Variants in SPOCK3 observed in about 807,000 individuals in gnomAD.
The protein encoded by SPOCK3 is testican-3.
Under a neutral mutation model 56.6 loss-of-function variants are expected in SPOCK3, and 30 were observed. The observed-to-expected ratio is 0.53, with a 90% CI of 0.40 to 0.72. SPOCK3 has a LOEUF of 0.72. Among genes scored for constraint, SPOCK3 ranks in the 30% least tolerant of loss-of-function variants. SPOCK3 has a pLI of 0.00. For missense variants in SPOCK3, 527 were observed against 530.0 expected (o/e 0.99, Z 0.06); for synonymous variants, 196 against 183.3 (o/e 1.07, Z -0.56).
chr4:166,897,591 C>T (rs547715786), intron 5 of SPOCK3, among the ~76,000 whole-genome samples: 7 of 152,248 alleles, frequency 4.6e-5, no homozygotes, highest in Non-Finnish European at 5.9e-5. Context: ...AGAACTGACA[C>T]GAACATCAAA....
chr4:166,941,947 T>G (rs1741113511), intron 4 of SPOCK3, among the ~76,000 whole-genome samples: 1 of 152,184 alleles, frequency 6.6e-6, no homozygotes, highest in African/African-American at 2.4e-5. Flanking sequence ...CCAGCTAAGC[T>G]GCACTCAGAC....
chr4:166,836,018 AC>A (rs1746577914), intron 6 of SPOCK3, among the ~76,000 whole-genome samples: 1 of 152,082 alleles, frequency 6.6e-6, no homozygotes. Flanking sequence ...ACACACACAC[AC>A]ACAAAAAATT....
chr4:167,179,928 T>C (rs1010835236), intron 2 of SPOCK3, among the ~76,000 whole-genome samples: 1 of 152,144 alleles, frequency 6.6e-6, no homozygotes, highest in African/African-American at 2.4e-5. Flanking sequence ...ACTCACAGAA[T>C]GGCAAATATG....
At chr4:166,992,509 T>C (rs1057447626) in intron 4 of SPOCK3, among the ~76,000 whole-genome samples, 1 of 152,078 alleles carries the variant, frequency 6.6e-6, no homozygotes, top group Non-Finnish European at 1.5e-5. Flanking sequence ...AGTTTCCTCT[T>C]TCTCATAGAC....
intron 5 of SPOCK3, among the ~76,000 whole-genome samples, chr4:166,891,090 T>C (rs1734727299): frequency 1.3e-5 from 2 of 151,968 alleles, no homozygotes; most frequent in African/African-American, 4.8e-5. Flanking sequence ...CTTTTTTTGC[T>C]CTCCATTTGC....
chr4:166,755,404 C>G (rs1736941390), intron 7 of SPOCK3, among the ~76,000 whole-genome samples: 1 of 152,154 alleles, frequency 6.6e-6, no homozygotes, highest in African/African-American at 2.4e-5. Flanking sequence ...TGTATTCAAG[C>G]TACACACTAC....
chr4:166,962,059 G>A (rs1215923905), intron 4 of SPOCK3, among the ~76,000 whole-genome samples: 1 of 151,986 alleles, frequency 6.6e-6, no homozygotes, highest in Non-Finnish European at 1.5e-5. Context: ...TTCAAAGAAG[G>A]CAGAGTCTTT....
chr4:166,830,728 G>C (rs528340825), intron 6 of SPOCK3, among the ~76,000 whole-genome samples: 2 of 151,850 alleles, frequency 1.3e-5, no homozygotes, highest in Non-Finnish European at 2.9e-5. Context: ...GTAAGACTTT[G>C]TCTCCCTCCC....
chr4:166,872,532 CT>C (rs1268878216), intron 6 of SPOCK3, among the ~76,000 whole-genome samples: 5 of 152,108 alleles, frequency 3.3e-5, no homozygotes, highest in African/African-American at 1.2e-4. Context: ...GTTGCCAAAA[CT>C]TGGAAGAAAC....
intron 5 of SPOCK3, among the ~76,000 whole-genome samples, chr4:166,905,676 A>G (rs946098719): frequency 1.3e-5 from 2 of 152,026 alleles, no homozygotes; most frequent in African/African-American, 4.8e-5. Flanking sequence ...AAGATAAAAA[A>G]GGAAGAAATA....
intron 8 of SPOCK3, among the ~76,000 whole-genome samples, chr4:166,753,628 C>G (rs1354020303): frequency 1.3e-5 from 2 of 151,990 alleles, no homozygotes; most frequent in African/African-American, 4.8e-5. Flanking sequence ...TTATCGAAGA[C>G]TGGTAATCAT....
At chr4:167,166,212 T>C (rs1213913540) in intron 2 of SPOCK3, among the ~76,000 whole-genome samples, 1 of 152,082 alleles carries the variant, frequency 6.6e-6, no homozygotes, top group Non-Finnish European at 1.5e-5. Flanking sequence ...TACACTATTT[T>C]AATATTCCCT....
chr4:166,869,867 G>A (rs1281458931), intron 6 of SPOCK3, among the ~76,000 whole-genome samples: 1 of 151,998 alleles, frequency 6.6e-6, no homozygotes, highest in Non-Finnish European at 1.5e-5. Context: ...GTTGATGAAT[G>A]CCATAAACAA....
chr4:166,830,899 C>T (rs1745975099), intron 6 of SPOCK3, among the ~76,000 whole-genome samples: 2 of 152,050 alleles, frequency 1.3e-5, no homozygotes, highest in South Asian at 4.1e-4. Context: ...TTTGTAATTT[C>T]TTCATTGGTT....
chr4:167,043,919 T>C (rs1753473244), intron 3 of SPOCK3, among the ~76,000 whole-genome samples: 2 of 152,030 alleles, frequency 1.3e-5, no homozygotes, highest in African/African-American at 2.4e-5. Flanking sequence ...TTGTAATGTG[T>C]TTGTCTGATT....
chr4:167,018,912 T>C (rs913892711), intron 3 of SPOCK3, among the ~76,000 whole-genome samples: 6 of 152,192 alleles, frequency 3.9e-5, no homozygotes, highest in African/African-American at 9.6e-5. Context: ...TTTCCATTGA[T>C]ATTTATCATT....
chr4:167,206,920 C>A (rs1336883619), intron 2 of SPOCK3, among the ~76,000 whole-genome samples: 1 of 151,776 alleles, frequency 6.6e-6, no homozygotes, highest in Non-Finnish European at 1.5e-5. Flanking sequence ...TGTTCTATAG[C>A]ACTGTAGGAT....
At chr4:166,754,808 G>T in intron 7 of SPOCK3, 79 bp from the exon 8 acceptor site, 2 of 1,309,394 alleles carry the variant, frequency 1.5e-6, no homozygotes, top group Non-Finnish European at 1.1e-6. Context: ...CAACATAGCA[G>T]GTAGCTAGTG....
intron 7 of SPOCK3, among the ~76,000 whole-genome samples, chr4:166,784,056 T>C (rs1313835177): frequency 1.3e-5 from 2 of 152,106 alleles, no homozygotes; most frequent in Non-Finnish European, 2.9e-5. Context: ...CATGGCTTTA[T>C]TTTGAAATTA....
Sources: gnomAD v4.1 joint callset for allele counts (sites outside exome capture counted in the v4.1 genomes callset) on GRCh38, gnomAD v4.1.1 for gene constraint, MANE v1.5 for transcripts, NCBI Gene and HGNC (gene_info 2026-07-23, HGNC 2026-07-21) for gene names.